Variants in RABGAP1L observed in about 807,000 individuals in gnomAD.
The protein encoded by RABGAP1L is rab GTPase-activating protein 1-like.
RABGAP1L carries 63 observed loss-of-function variants against 137.7 expected under a neutral mutation model. That is an observed-to-expected ratio of 0.46 (90% confidence interval 0.37 to 0.56). The LOEUF (loss-of-function observed/expected upper bound fraction) is 0.56. Among genes scored for constraint, RABGAP1L ranks in the 20% least tolerant of loss-of-function variants. The pLI is 0.00. For synonymous variants in RABGAP1L, 431 were observed against 433.7 expected (o/e 0.99, Z 0.08); for missense variants, 1,095 against 1,244.0 (o/e 0.88, Z 1.80).
intron 11 of RABGAP1L, among the ~76,000 whole-genome samples, chr1:174,368,710 A>G (rs956736903): frequency 6.6e-6 from 1 of 152,040 alleles, no homozygotes; most frequent in Non-Finnish European, 1.5e-5. Flanking sequence ...AATGTTGGAA[A>G]TTTTTTTGCT....
At chr1:174,652,651 C>T (rs1420191831) in intron 14 of RABGAP1L, among the ~76,000 whole-genome samples, 2 of 152,202 alleles carry the variant, frequency 1.3e-5, no homozygotes, top group Non-Finnish European at 2.9e-5. Context: ...AAGATTGCTT[C>T]CTGTTCCTTC....
intron 13 of RABGAP1L, among the ~76,000 whole-genome samples, chr1:174,423,017 G>T (rs1250598524): frequency 6.7e-6 from 1 of 149,892 alleles, no homozygotes; most frequent in African/African-American, 2.5e-5. Flanking sequence ...ACATTTTTTA[G>T]CACACTTTTT....
At chr1:174,623,558 T>C (rs764741710) in intron 13 of RABGAP1L, among the ~76,000 whole-genome samples, 1 of 152,222 alleles carries the variant, frequency 6.6e-6, no homozygotes, top group Non-Finnish European at 1.5e-5. Context: ...TGGAGCTTCC[T>C]TTGTCCTCTC....
At chr1:174,640,525 G>A (rs1412092903) in intron 14 of RABGAP1L, among the ~76,000 whole-genome samples, 1 of 151,976 alleles carries the variant, frequency 6.6e-6, no homozygotes, top group Non-Finnish European at 1.5e-5. Context: ...TAGTCTAACT[G>A]TGTAGTCTAA....
intron 1 of RABGAP1L, among the ~76,000 whole-genome samples, chr1:174,176,044 A>G (rs138929894): frequency 1.2e-4 from 18 of 152,312 alleles, no homozygotes; most frequent in African/African-American, 3.4e-4. Context: ...ACAAATTCTC[A>G]TATTTGTCAC....
At chr1:174,869,635 T>C (rs1418956345) in intron 19 of RABGAP1L, among the ~76,000 whole-genome samples, 2 of 152,228 alleles carry the variant, frequency 1.3e-5, no homozygotes, top group East Asian at 3.8e-4. Context: ...AGACAACTTA[T>C]GTAATTTGCT....
intron 19 of RABGAP1L, among the ~76,000 whole-genome samples, chr1:174,951,813 C>A (rs944356468): frequency 6.6e-6 from 1 of 152,136 alleles, no homozygotes; most frequent in Admixed American, 6.5e-5. Context: ...GGAGTCTACA[C>A]CAAAAATTAT....
intron 1 of RABGAP1L, among the ~76,000 whole-genome samples, chr1:174,189,581 G>A (rs1205612731): frequency 6.6e-6 from 1 of 152,214 alleles, no homozygotes; most frequent in Non-Finnish European, 1.5e-5. Flanking sequence ...TTTCAGAGGT[G>A]ATTGGGTCAT....
At chr1:174,632,306 T>G (rs1399770512) in intron 13 of RABGAP1L, among the ~76,000 whole-genome samples, 1 of 149,572 alleles carries the variant, frequency 6.7e-6, no homozygotes, top group Non-Finnish European at 1.5e-5. Flanking sequence ...ACCCGACCTT[T>G]CTCTCTGGCT....
At chr1:174,399,055 T>G (rs1018433001) in intron 13 of RABGAP1L, among the ~76,000 whole-genome samples, 2 of 152,186 alleles carry the variant, frequency 1.3e-5, no homozygotes, top group African/African-American at 4.8e-5. Flanking sequence ...AAAAACATTT[T>G]CATACAAACA....
intron 13 of RABGAP1L, among the ~76,000 whole-genome samples, chr1:174,621,309 C>T (rs1353042715): frequency 6.6e-6 from 1 of 152,224 alleles, no homozygotes; most frequent in Non-Finnish European, 1.5e-5. Flanking sequence ...ATGCCATCCC[C>T]ATCAAGCTAC....
chr1:174,639,550 T>C (rs6689153), intron 14 of RABGAP1L, among the ~76,000 whole-genome samples: 56,163 of 151,940 alleles, frequency 0.37, 13,634 homozygotes, highest in African/African-American at 0.69. Flanking sequence ...GCAACATTTT[T>C]TTCCCCTAGC....
intron 13 of RABGAP1L, among the ~76,000 whole-genome samples, chr1:174,636,672 G>T (rs1557935159): frequency 1.3e-5 from 2 of 151,996 alleles, no homozygotes; most frequent in South Asian, 2.1e-4. Flanking sequence ...TTATCAGATT[G>T]TCAGATTTAA....
At chr1:174,272,354 A>C (rs1674625558) in intron 7 of RABGAP1L, 60 bp from the exon 8 acceptor site, 3 of 1,546,950 alleles carry the variant, frequency 1.9e-6, no homozygotes, top group Admixed American at 2.0e-5. Flanking sequence ...CTTTATGCTC[A>C]CTGGGCTTCT....
At chr1:174,574,166 A>C (rs1572371078) in intron 13 of RABGAP1L, among the ~76,000 whole-genome samples, 1 of 152,202 alleles carries the variant, frequency 6.6e-6, no homozygotes, top group East Asian at 1.9e-4. Context: ...ATTATTCTAT[A>C]ATTAGAAATT....
At chr1:174,319,980 A>G (rs1218324862) in intron 11 of RABGAP1L, among the ~76,000 whole-genome samples, 1 of 152,124 alleles carries the variant, frequency 6.6e-6, no homozygotes, top group Non-Finnish European at 1.5e-5. Flanking sequence ...CCACCAGTTG[A>G]AGTCCCTGCC....
chr1:174,720,290 T>TAGATAGATAGATAGATAGAC (rs368112419), intron 17 of RABGAP1L, among the ~76,000 whole-genome samples: 74 of 141,730 alleles, frequency 5.2e-4, no homozygotes, highest in East Asian at 1.2e-3. Context: ...GATAGATAGA[T>TAGATAGATAGATAGATAGAC]AGACAGACAG....
intron 19 of RABGAP1L, among the ~76,000 whole-genome samples, chr1:174,821,777 T>A (rs766088051): frequency 6.6e-6 from 1 of 152,232 alleles, no homozygotes; most frequent in Non-Finnish European, 1.5e-5. Context: ...TTTGTCAACT[T>A]CATGGATCTA....
At chr1:174,547,967 A>G in intron 13 of RABGAP1L, 1 of 1,550,488 alleles carries the variant, frequency 6.4e-7, no homozygotes. Flanking sequence ...CTGATTACTT[A>G]TACTTTTTGT....
Sources: gnomAD v4.1 joint callset for allele counts (sites outside exome capture counted in the v4.1 genomes callset) on GRCh38, gnomAD v4.1.1 for gene constraint, MANE v1.5 for transcripts, NCBI Gene and HGNC (gene_info 2026-07-23, HGNC 2026-07-21) for gene names.